Variants in FCRL1 observed in about 807,000 individuals in gnomAD.
FCRL1 encodes the protein Fc receptor like 1, also known as Fc receptor-like protein 1.
Under a neutral mutation model 49.2 loss-of-function variants are expected in FCRL1, and 34 were observed. The observed-to-expected ratio is 0.69, with a 90% CI of 0.53 to 0.92. The LOEUF is 0.92. FCRL1 is among the 40% of genes least tolerant of loss of function. The pLI, the probability that FCRL1 is intolerant of heterozygous loss-of-function variation, is 0.00. For missense variants in FCRL1, 524 were observed against 524.1 expected, an observed-to-expected ratio of 1.00 and a Z score of 0.00; for synonymous variants, 218 against 201.6, an observed-to-expected ratio of 1.08 and a Z score of -0.69.
rs1272066853 is a variant in FCRL1, at chr1:157,803,852, A to C, written c.312T>G (p.Asn104Lys). The C allele has an allele frequency of 6.2e-7, 1 of 1,613,914 alleles. No homozygotes were observed. Among genetic ancestry groups the C allele is most frequent in the Admixed American group, 1.7e-5 (1 of 60,016 alleles). The change falls in exon 3 of 11, where the codon AAT becomes AAG. Residue 104 changes from asparagine (N) to lysine (K), a missense_variant. Coordinates refer to ENST00000368176, the MANE Select transcript of FCRL1 (RefSeq NM_052938.5). The stretch of plus-strand genomic sequence containing the variant: ...GACCCCACTGACACTCACTGTGCAC[A>C]TTTATCTGGGATCTCCTGCTCCTCA... ...KVLRSRRSQI[N>K]VHRVPVADVS... is the part of the protein sequence containing the mutation.
At chr1:157,798,305 C>T (rs1365195131) in intron 7 of FCRL1, 62 bp from the exon 8 acceptor site, 1 of 1,362,886 alleles carries the variant, frequency 7.3e-7, no homozygotes, top group Admixed American at 2.0e-5. Flanking sequence ...GCAGATATCA[C>T]ACTGAAGGAG....
rs1652481811 is a variant in FCRL1, at chr1:157,801,587, G to GGTCTCT, written c.887-11_887-10insAGAGAC. The GGTCTCT allele has an allele frequency of 3.8e-6, 6 of 1,575,648 alleles. No individual in the cohort carries two copies. The highest frequency in any genetic ancestry group is 5.2e-6 in the Non-Finnish European group (6 of 1,145,816). On this transcript the variant is annotated splice_polypyrimidine_tract_variant and intron_variant, in intron 5 of 10. Transcript: ENST00000368176. ...CTGGCCCCAGTAGGCACTAGAGGGA[G>GGTCTCT]AGACCTGTGCATGATCTGCTCAGAG... is the stretch of plus-strand genomic sequence containing the variant.
At chr1:157,811,717 CT>C (rs1036602182) in intron 1 of FCRL1, among the ~76,000 whole-genome samples, 32 of 152,162 alleles carry the variant, frequency 2.1e-4, no homozygotes, top group African/African-American at 7.7e-4. Context: ...GCAGTAGTCA[CT>C]GCATCTTTTC....
At chr1:157,800,979 A>G (rs754853129) in intron 6 of FCRL1, among the ~76,000 whole-genome samples, 3 of 151,888 alleles carry the variant, frequency 2.0e-5, no homozygotes, top group African/African-American at 4.8e-5. Flanking sequence ...GCAACCTCCA[A>G]CTCCCTGGTT....
intron 10 of FCRL1, 138 bp from the exon 11 acceptor site, chr1:157,796,308 G>T: frequency 2.9e-6 from 2 of 697,464 alleles, no homozygotes; most frequent in Non-Finnish European, 5.0e-6. Flanking sequence ...GGAAAACTGT[G>T]GTCCAAGGCC....
At chr1:157,804,193 A>C (rs369662617) in intron 2 of FCRL1, 82 bp from the exon 3 acceptor site, 2 of 1,536,282 alleles carry the variant, frequency 1.3e-6, no homozygotes, top group East Asian at 4.5e-5. Context: ...GCACTTGCCA[A>C]CAAGACTCAA....
chr1:157,805,155 G>A (rs6698078), intron 2 of FCRL1, among the ~76,000 whole-genome samples: 2,195 of 152,082 alleles, frequency 0.014, 40 homozygotes, highest in African/African-American at 0.048. Context: ...CACCACTCCC[G>A]GCCTGGGGCT....
chr1:157,806,837 C>T (rs941013089), intron 2 of FCRL1: 10 of 370,682 alleles, frequency 2.7e-5, no homozygotes, highest in African/African-American at 1.7e-4. Flanking sequence ...TGGGACTTCC[C>T]GGAAGTAAGA....
At chr1:157,797,830 A>G in intron 9 of FCRL1, 38 bp downstream of exon 9, 2 of 1,614,046 alleles carry the variant, frequency 1.2e-6, no homozygotes, top group Non-Finnish European at 1.7e-6. Flanking sequence ...TCTGGGAAAG[A>G]CAAAAGTCAG....
intron 10 of FCRL1, among the ~76,000 whole-genome samples, chr1:157,796,812 G>T (rs1025006238): frequency 2.6e-5 from 4 of 152,200 alleles, no homozygotes; most frequent in African/African-American, 9.7e-5. Context: ...TTAGGATAAA[G>T]ATTTTCCAAT....
chr1:157,817,854 G>A (rs1655253924), intron 1 of FCRL1, among the ~76,000 whole-genome samples: 1 of 151,740 alleles, frequency 6.6e-6, no homozygotes, highest in Admixed American at 6.6e-5. Context: ...ATTAACAATG[G>A]TCTAATTCTC....
Position 157,798,252 on chromosome 1 carries a change from A to G in FCRL1, c.1032-9T>C. On this transcript the variant is annotated splice_polypyrimidine_tract_variant and intron_variant, in intron 7 of 10. Coordinates refer to ENST00000368176, the MANE Select transcript of FCRL1 (RefSeq NM_052938.5). ...GAGGGCTGGGAAGGCTCCTGCAAAC[A>G]CAGAGACACATGTTATTTATCTGAA... is the stretch of plus-strand genomic sequence containing the variant. The G allele has an allele frequency of 6.3e-7, 1 of 1,595,458 alleles. No individual in the cohort carries two copies. The highest frequency in any genetic ancestry group is 8.6e-7 in the Non-Finnish European group (1 of 1,169,394).
rs1250168100 is a variant in FCRL1, at chr1:157,795,216, T to C, written c.*883A>G. ...TACGTAAGACAAAAAATGGCCAAGTTTGGTGGCATGTGCCTGTAGTCCCAG... is the reference window on the plus strand; with the variant it reads ...TACGTAAGACAAAAAATGGCCAAGTCTGGTGGCATGTGCCTGTAGTCCCAG... On this transcript the variant is annotated 3_prime_UTR_variant, in exon 11 of 11. Coordinates refer to ENST00000368176, the MANE Select transcript of FCRL1 (RefSeq NM_052938.5). 2.0e-5 allele frequency: 3 copies of C among 152,052 alleles called. No homozygotes were observed. Among genetic ancestry groups the C allele is most frequent in the African/African-American group, 7.2e-5 (3 of 41,410 alleles). 9.4% of individuals were successfully genotyped at this position (152,052 alleles called of 1,614,324 possible).
intron 1 of FCRL1, 51 bp downstream of exon 1, chr1:157,819,956 G>C: frequency 5.0e-6 from 8 of 1,611,142 alleles, no homozygotes; most frequent in Non-Finnish European, 6.8e-6. Flanking sequence ...TCAGGAAGCA[G>C]AGCCCAAGCA....
At chr1:157,809,023 G>A (rs1653904877) in intron 1 of FCRL1, among the ~76,000 whole-genome samples, 1 of 152,128 alleles carries the variant, frequency 6.6e-6, no homozygotes, top group South Asian at 2.1e-4. Context: ...ATCTGTTTGA[G>A]TTTAAGATGC....
intron 4 of FCRL1, 52 bp from the exon 5 acceptor site, chr1:157,802,245 C>T (rs752302722): frequency 5.0e-6 from 8 of 1,585,338 alleles, no homozygotes; most frequent in East Asian, 2.2e-5. Context: ...GCAGCAAACT[C>T]ATAATCCCTG....
Position 157,815,091 on chromosome 1 carries a change from G to A in FCRL1, c.31+4916C>T, listed in dbSNP as rs537604466. On this transcript the variant is annotated intron_variant, in intron 1 of 10. Coordinates refer to ENST00000368176, the MANE Select transcript of FCRL1 (RefSeq NM_052938.5). ...AAGAAATATCAGATTTAAACTACAC[G>A]CTAGACAAAATAATCCTAATGGACA... is the stretch of plus-strand genomic sequence containing the variant. 1.5e-4 allele frequency among the ~76,000 whole-genome samples: 23 copies of A among 151,800 alleles called. 1 individual carries two copies. Among genetic ancestry groups the A allele is most frequent in the Non-Finnish European group, 3.0e-4 (20 of 67,786 alleles).
intron 9 of FCRL1, 142 bp downstream of exon 9, chr1:157,797,726 G>C (rs1557889895): frequency 3.8e-6 from 6 of 1,559,614 alleles, no homozygotes; most frequent in Middle Eastern, 3.6e-4. Context: ...CCAGACCCAA[G>C]GACAGCCATT....
At chr1:157,818,158 G>A (rs1655310761) in intron 1 of FCRL1, among the ~76,000 whole-genome samples, 1 of 152,080 alleles carries the variant, frequency 6.6e-6, no homozygotes, top group African/African-American at 2.4e-5. Context: ...TACTGGACAT[G>A]TATCCAGAGG....
Sources: gnomAD v4.1 joint callset for allele counts (sites outside exome capture counted in the v4.1 genomes callset) on GRCh38, gnomAD v4.1.1 for gene constraint, MANE v1.5 for transcripts, NCBI Gene and HGNC (gene_info 2026-07-23, HGNC 2026-07-21) for gene names.